Variants in KIF26A observed in about 807,000 individuals in gnomAD.
KIF26A encodes kinesin-like protein KIF26A.
Under a neutral mutation model 126.0 loss-of-function variants are expected in KIF26A, and 74 were observed. The ratio of observed to expected loss-of-function variants is 0.59; its 90% confidence interval spans 0.49 to 0.71. KIF26A has a LOEUF of 0.71. Ranked by LOEUF, KIF26A falls within the 30% of genes least tolerant of loss-of-function variation. KIF26A has a pLI of 0.00. For missense variants in KIF26A, 2,984 were observed against 2,763.3 expected (o/e 1.08, Z -1.79); for synonymous variants, 1,445 against 1,232.7 (o/e 1.17, Z -3.61).
At chr14:104,166,746 T>A (rs2037907534) in intron 4 of KIF26A, 113 bp from the exon 5 acceptor site, 16 of 1,061,204 alleles carry the variant, frequency 1.5e-5, no homozygotes, top group Admixed American at 2.9e-5. Context: ...CTGGGTTTCC[T>A]GGGATGGTGG....
chr14:104,173,323 C>T lies in KIF26A; in HGVS notation c.1684-7C>T, dbSNP rs758873851. 1.2e-6 allele frequency: 2 copies of T among 1,605,788 alleles called. No individual in the cohort carries two copies. Among genetic ancestry groups the T allele is most frequent in the East Asian group, 2.2e-5 (1 of 44,678 alleles). On this transcript the variant is annotated splice_region_variant and splice_polypyrimidine_tract_variant and intron_variant, in intron 8 of 14. Transcript: ENST00000423312. ...TGAAGACGCCGCTGCCTCTGCCTTT[C>T]CTGCAGCTCCAGAACCAAAGCGAGC...
chr14:104,140,097 T>G (rs1213662765), intron 2 of KIF26A, among the ~76,000 whole-genome samples: 1 of 152,240 alleles, frequency 6.6e-6, no homozygotes, highest in Non-Finnish European at 1.5e-5. Flanking sequence ...GAAGTCCGCA[T>G]AATCCCCATT....
At position 104,176,544 on chromosome 14, in the gene KIF26A, C is replaced by T; in HGVS notation, c.3756C>T (p.Thr1252=). 1 of 1,605,564 alleles carries T rather than the reference C, an allele frequency of 6.2e-7. No homozygotes were observed. The highest frequency in any genetic ancestry group is 8.5e-7 in the Non-Finnish European group (1 of 1,179,666). Residue 1252 remains threonine (T), a synonymous_variant, in exon 12 of 15, where the codon ACC becomes ACT. Coordinates refer to ENST00000423312, the MANE Select transcript of KIF26A (RefSeq NM_015656.2). ...PWLLRVGECD[T]QAASAGRAPS... ...TGCTCCGGGTAGGGGAGTGTGATAC[C>T]CAGGCAGCTTCTGCTGGCAGGGCCC...
At chr14:104,165,203 C>T (rs111074454) in intron 4 of KIF26A, among the ~76,000 whole-genome samples, 1 of 147,624 alleles carries the variant, frequency 6.8e-6, no homozygotes, top group Admixed American at 6.7e-5. Flanking sequence ...ATGTGTGTGT[C>T]TGTGTCTCTG....
intron 5 of KIF26A, among the ~76,000 whole-genome samples, chr14:104,169,449 A>T (rs893065274): frequency 2.6e-5 from 4 of 152,080 alleles, no homozygotes; most frequent in African/African-American, 9.6e-5. Flanking sequence ...CCTTCTCTCC[A>T]TGGCAGTCAC....
chr14:104,140,905 C>A (rs1351458894), intron 2 of KIF26A, among the ~76,000 whole-genome samples: 4 of 150,922 alleles, frequency 2.7e-5, no homozygotes, highest in East Asian at 3.9e-4. Flanking sequence ...GGGCCCCCTT[C>A]TTCTGCTTTG....
rs866271941 is a variant in KIF26A, at chr14:104,141,596, G to A, written c.288+2308G>A. Reference sequence around the variant, plus strand: ...TTGTAGAGGGAGGCGTAGAGGGTCGGGGCCCAGCCTGCCAGGGTCTCCCTG... The same window carrying A: ...TTGTAGAGGGAGGCGTAGAGGGTCGAGGCCCAGCCTGCCAGGGTCTCCCTG... On this transcript the variant is annotated intron_variant, in intron 2 of 14. Coordinates refer to ENST00000423312, the MANE Select transcript of KIF26A (RefSeq NM_015656.2). 7.7e-3 allele frequency among the ~76,000 whole-genome samples: 1,132 copies of A among 147,008 alleles called. 28 individuals are homozygous for A. The highest frequency in any genetic ancestry group is 0.028 in the African/African-American group (1,074 of 38,106).
rs7149578 is a variant in KIF26A, at chr14:104,175,442, C to A, written c.2654C>A (p.Ser885Tyr). 6,021 of 1,592,138 alleles carry A rather than the reference C, an allele frequency of 3.8e-3. 219 individuals are homozygous for A. The African/African-American group carries it at 0.071, about 19-fold the overall frequency. Residue 885 changes from serine to tyrosine, a missense_variant, in exon 12 of 15, where the codon TCC (serine) becomes TAC (tyrosine). By Grantham distance (144) the Ser-to-Tyr change is moderately radical (BLOSUM62 -2). Coordinates refer to ENST00000423312, the MANE Select transcript of KIF26A (RefSeq NM_015656.2). ...GRKPSPPEAA[S>Y]PRKAVGTPMA... ...AAGCCCTCGCCACCAGAGGCTGCAT[C>A]CCCCAGGAAGGCCGTGGGCACCCCG...
intron 12 of KIF26A, 43 bp downstream of exon 12, chr14:104,177,941 C>T (rs1490049778): frequency 6.9e-7 from 1 of 1,452,756 alleles, no homozygotes; most frequent in East Asian, 2.4e-5. Flanking sequence ...TACGGGCTTT[C>T]TGTGTGTAGA....
Position 104,175,364 on chromosome 14 carries a change from G to T in KIF26A, c.2576G>T (p.Gly859Val). Residue 859 changes from glycine (G) to valine (V), a missense_variant, in exon 12 of 15, where the codon GGA becomes GTA. Gly to Val is a moderately radical substitution (Grantham distance 109, BLOSUM62 -3). Transcript: ENST00000423312. ...ATGGACGGCAACGAGGGTCCCTCAG[G>T]AGGTCCAGGTGGCACCGACGGAGCT... ...ECMDGNEGPS[G>V]GPGGTDGAQA... The T allele has an allele frequency of 6.2e-7, 1 of 1,601,858 alleles. No homozygotes were observed. Among genetic ancestry groups the T allele is most frequent in the Non-Finnish European group, 8.5e-7 (1 of 1,178,756 alleles).
Position 104,176,374 on chromosome 14 carries a change from C to A in KIF26A, c.3586C>A (p.Pro1196Thr), listed in dbSNP as rs867889209. Residue 1196 changes from proline (P) to threonine (T), a missense_variant, in exon 12 of 15, where the codon CCC (proline) becomes ACC (threonine). Transcript: ENST00000423312. ...SRPGREPQAGPSRWASAAQTI... is the reference protein window; with the variant it reads ...SRPGREPQAGTSRWASAAQTI... The stretch of plus-strand genomic sequence containing the variant: ...ACCCGGCAGGGAGCCCCAGGCCGGG[C>A]CCTCGCGGTGGGCATCCGCAGCCCA... The A allele has an allele frequency of 5.7e-6, 9 of 1,584,128 alleles. No homozygotes were observed. In the African/African-American group the frequency reaches 6.7e-5, roughly 12 times the overall value.
chr14:104,177,411 G>T lies in KIF26A; in HGVS notation c.4623G>T (p.Gly1541=). The change falls in exon 12 of 15, where the codon GGG becomes GGT. Residue 1541 remains glycine (G), a synonymous_variant. Coordinates refer to ENST00000423312, the MANE Select transcript of KIF26A (RefSeq NM_015656.2). ...GTCCCAGAGCAGCCCCACGGGCCGG[G>T]CCCAGTGTCGGGGCGAAGGCTGGCC... The part of the protein sequence containing the change: ...VAGPRAAPRA[G]PSVGAKAGRG... 1 of 1,504,448 alleles carries T rather than the reference G, an allele frequency of 6.6e-7. No homozygotes were observed. The highest frequency in any genetic ancestry group is 8.8e-7 in the Non-Finnish European group (1 of 1,130,562). 93.2% of individuals were successfully genotyped at this position (1,504,448 alleles called of 1,614,324 possible).
At position 104,139,214 on chromosome 14, in the gene KIF26A, C is replaced by T; in HGVS notation, c.214C>T (p.His72Tyr). ...HSAGGGGWCR[H>Y]CHTKLVELKR... ...GGCCGGCGGAGGCGGCTGGTGCCGC[C>T]ACTGCCACACGAAGCTGGTGGAGCT... Residue 72 changes from histidine to tyrosine, a missense_variant, in exon 2 of 15, where the codon CAC becomes TAC. Transcript: ENST00000423312. 1.3e-6 allele frequency: 2 copies of T among 1,554,664 alleles called. No homozygotes were observed. Among genetic ancestry groups the T allele is most frequent in the South Asian group, 1.2e-5 (1 of 83,462 alleles).
rs1184128383 is a variant in KIF26A at position 104,173,863 on chromosome 14, G to A, written c.2025G>A (p.Pro675=). The A allele has an allele frequency of 6.3e-6, 10 of 1,589,656 alleles. No homozygotes were observed. The highest frequency in any genetic ancestry group is 2.2e-5 in the East Asian group (1 of 44,664). Residue 675 remains proline, a synonymous_variant, in exon 10 of 15, where the codon CCG becomes CCA. Transcript: ENST00000423312. The part of the protein sequence containing the change: ...LALVNGAKHV[P]YRDHRLTMLL... ...TGGTCAACGGAGCCAAGCATGTGCC[G>A]TATCGGTGAGTGTAGGGCCTGGGCA...
chr14:104,154,268 C>T (rs1388271551), intron 3 of KIF26A, among the ~76,000 whole-genome samples: 2 of 152,174 alleles, frequency 1.3e-5, no homozygotes, highest in African/African-American at 4.8e-5. Context: ...GTGCTGCAGC[C>T]CCCTCTGTTA....
At chr14:104,147,387 G>A (rs1376286005) in intron 2 of KIF26A, among the ~76,000 whole-genome samples, 1 of 152,186 alleles carries the variant, frequency 6.6e-6, no homozygotes, top group Non-Finnish European at 1.5e-5. Context: ...AGTGCTGGGT[G>A]GACTGGGTTG....
Position 104,166,891 on chromosome 14 carries a change from G to C in KIF26A, c.956G>C (p.Arg319Thr), listed in dbSNP as rs763375588. ...AMQKLSLASK[R>T]KKPHPPPPPA... ...CAGAAGCTCAGCCTGGCCTCCAAGAGGAAGAAGCCCCACCCGCCACCGCCT... is the reference window on the plus strand; with the variant it reads ...CAGAAGCTCAGCCTGGCCTCCAAGACGAAGAAGCCCCACCCGCCACCGCCT... Residue 319 changes from arginine to threonine, a missense_variant, in exon 5 of 15, where the codon AGG becomes ACG. Coordinates refer to ENST00000423312, the MANE Select transcript of KIF26A (RefSeq NM_015656.2). The C allele has an allele frequency of 7.6e-6, 12 of 1,585,680 alleles. No homozygotes were observed. Among genetic ancestry groups the C allele is most frequent in the African/African-American group, 2.7e-5 (2 of 74,180 alleles).
rs1379576211 is a variant in KIF26A, at chr14:104,167,039, C to G, written c.1104C>G (p.Ser368Arg). 6.4e-7 allele frequency: 1 copy of G among 1,558,756 alleles called. No individual in the cohort carries two copies. The highest frequency in any genetic ancestry group is 2.4e-5 in the East Asian group (1 of 42,548). Residue 368 changes from serine (S) to arginine (R), a missense_variant, in exon 5 of 15, where the codon AGC (serine) becomes AGG (arginine). Transcript: ENST00000423312. Reference sequence around the variant, plus strand: ...CCAAGACCAAGGACAACCCTGGCAGCATCGGGAAGGTAGACGCAGCCCCGA... The same window carrying G: ...CCAAGACCAAGGACAACCCTGGCAGGATCGGGAAGGTAGACGCAGCCCCGA... The part of the protein sequence containing the change: ...AASKTKDNPG[S>R]IGKVKVMLRI...
chr14:104,174,180 C>A lies in KIF26A; in HGVS notation c.2063C>A (p.Ser688Tyr). The change falls in exon 11 of 15, where the codon TCC becomes TAC. Residue 688 changes from serine (S) to tyrosine (Y), a missense_variant. Physicochemically the swap from Ser to Tyr is moderately radical, Grantham distance 144. Coordinates refer to ENST00000423312, the MANE Select transcript of KIF26A (RefSeq NM_015656.2). ...AGGCTCACCATGCTGCTGCGTGAAT[C>A]CCTGGCCACCGCTGGCTGCCGCACC... ...DHRLTMLLRE[S>Y]LATAGCRTTM... is the part of the protein sequence containing the mutation. 6.3e-7 allele frequency: 1 copy of A among 1,589,690 alleles called. No homozygotes were observed. Among genetic ancestry groups the A allele is most frequent in the South Asian group, 1.1e-5 (1 of 87,262 alleles).
Sources: gnomAD v4.1 joint callset for allele counts (sites outside exome capture counted in the v4.1 genomes callset) on GRCh38, gnomAD v4.1.1 for gene constraint, MANE v1.5 for transcripts, NCBI Gene and HGNC (gene_info 2026-07-23, HGNC 2026-07-21) for gene names.